The following CAPN14 variants were observed in gnomAD, a reference collection of about 807,000 sequenced individuals.
CAPN14 encodes calpain 14.
Under a neutral mutation model 101.3 loss-of-function variants are expected in CAPN14, and 94 were observed. The ratio of observed to expected loss-of-function variants is 0.93; its 90% CI spans 0.79 to 1.10. The LOEUF (loss-of-function observed/expected upper bound fraction) is 1.10. CAPN14 is among the 50% of genes least tolerant of loss of function. The pLI, the probability that CAPN14 is intolerant of heterozygous loss-of-function variation, is 0.00. For synonymous variants in CAPN14, 338 were observed against 317.9 expected, an observed-to-expected ratio of 1.06 and a Z score of -0.67; for missense variants, 837 against 828.4, an observed-to-expected ratio of 1.01 and a Z score of -0.13.
At chr2:31,197,791 G>C (rs1681544146) in intron 7 of CAPN14, among the ~76,000 whole-genome samples, 1 of 152,176 alleles carries the variant, frequency 6.6e-6, no homozygotes, top group African/African-American at 2.4e-5. Context: ...TGAAGATGGA[G>C]GCAGAGAATG....
intron 1 of CAPN14, among the ~76,000 whole-genome samples, chr2:31,229,604 A>C (rs932954945): frequency 6.7e-6 from 1 of 149,710 alleles, no homozygotes; most frequent in Non-Finnish European, 1.5e-5. Context: ...TCTTGAACCC[A>C]GGAAGTAGAG....
At chr2:31,177,914 C>T (rs1680391951) in intron 18 of CAPN14, 93 bp from the exon 19 acceptor site, 3 of 867,164 alleles carry the variant, frequency 3.5e-6, no homozygotes, top group Non-Finnish European at 3.8e-6. Flanking sequence ...CGCAGAGGGG[C>T]TGTTGAAGAT....
At chr2:31,195,538 T>C (rs891568035) in intron 8 of CAPN14, among the ~76,000 whole-genome samples, 2 of 152,146 alleles carry the variant, frequency 1.3e-5, no homozygotes, top group South Asian at 2.1e-4. Flanking sequence ...GGTTTTACCA[T>C]GTTGGCCGGG....
At position 31,201,960 on chromosome 2, in the gene CAPN14, A is replaced by G; in HGVS notation, c.453T>C (p.Asp151=). 2 of 1,551,770 alleles carry G rather than the reference A, an allele frequency of 1.3e-6. No individual in the cohort carries two copies. The highest frequency in any genetic ancestry group is 1.7e-6 in the Non-Finnish European group (2 of 1,147,014). The change falls in exon 5 of 22, where the codon GAT becomes GAC. Residue 151 remains aspartate, a synonymous_variant. Transcript: ENST00000403897. ...HYGNWVPVVI[D]DRLPVNEAGQ... ...CAGCCTCATTCACAGGCAGACGGTCATCGATCACCACAGGAACCCAGTTCC... is the reference window on the plus strand; with the variant it reads ...CAGCCTCATTCACAGGCAGACGGTCGTCGATCACCACAGGAACCCAGTTCC...
intron 1 of CAPN14, among the ~76,000 whole-genome samples, chr2:31,227,431 C>T (rs546605622): frequency 2.0e-5 from 3 of 152,224 alleles, no homozygotes; most frequent in Non-Finnish European, 4.4e-5. Context: ...GGCTTATAAA[C>T]TTCCTAAGCA....
rs1025751011 is a variant in CAPN14 at position 31,205,224 on chromosome 2, G to A, written c.224C>T (p.Pro75Leu). 27 of 1,549,228 alleles carry A rather than the reference G, an allele frequency of 1.7e-5. No homozygotes were observed. Among genetic ancestry groups the A allele is most frequent in the African/African-American group, 4.1e-5 (3 of 73,050 alleles). ...CTGGGCTGACACATTTTGCCTCACC[G>A]GGGGCCTCTTCCACTGCAGGCGGGG... ...LPPRLQWKRP[P>L]ELHSNPQFYF... The change falls in exon 2 of 22, where the codon CCG becomes CTG. Residue 75 changes from proline to leucine, a missense_variant and splice_region_variant. Physicochemically the swap from Pro to Leu is moderately conservative, Grantham distance 98. Transcript: ENST00000403897.
At position 31,173,160 on chromosome 2, in the gene CAPN14, G is replaced by A. The variant is rs770738480; in HGVS notation, c.*1521C>T. On this transcript the variant is annotated 3_prime_UTR_variant, in exon 22 of 22. Coordinates refer to ENST00000403897, the MANE Select transcript of CAPN14 (RefSeq NM_001145122.2). The stretch of plus-strand genomic sequence containing the variant: ...CAATGGATATAAAAAACTGTAAAAG[G>A]CTGTAAATACATGATCATCATTTAT... 1 of 152,166 alleles carries A rather than the reference G, an allele frequency of 6.6e-6. No individual in the cohort carries two copies. The highest frequency in any genetic ancestry group is 6.5e-5 in the Admixed American group (1 of 15,278). The allele number at this position is 152,166 out of a possible 1,614,324, so 9.4% of individuals were successfully genotyped here.
At chr2:31,197,607 C>T (rs945872643) in intron 7 of CAPN14, among the ~76,000 whole-genome samples, 1 of 152,194 alleles carries the variant, frequency 6.6e-6, no homozygotes, top group Non-Finnish European at 1.5e-5. Context: ...TCTTCCCTCC[C>T]CAAAGAGGAT....
At chr2:31,178,423 G>T (rs972652817) in intron 18 of CAPN14, 88 bp downstream of exon 18, 2 of 976,332 alleles carry the variant, frequency 2.0e-6, no homozygotes, top group South Asian at 1.4e-5. Context: ...ATAAAGGGCT[G>T]AAGGGGACAG....
chr2:31,213,527 G>C (rs1194400183), intron 1 of CAPN14, among the ~76,000 whole-genome samples: 1 of 152,232 alleles, frequency 6.6e-6, no homozygotes, highest in Non-Finnish European at 1.5e-5. Flanking sequence ...CTAAAGCACT[G>C]TTTAACCAGG....
rs1489340383 is a variant in CAPN14 at position 31,186,490 on chromosome 2, A to G, written c.1588-5T>C. The G allele has an allele frequency of 6.5e-7, 1 of 1,546,024 alleles. No individual in the cohort carries two copies. The highest frequency in any genetic ancestry group is 8.7e-7 in the Non-Finnish European group (1 of 1,144,670). ...AACTGCATTAATCTCTGGATGCTAAATAGAAAGCAGATTGGCAAGAAAAAA... is the reference window on the plus strand; with the variant it reads ...AACTGCATTAATCTCTGGATGCTAAGTAGAAAGCAGATTGGCAAGAAAAAA... On this transcript the variant is annotated splice_region_variant and splice_polypyrimidine_tract_variant and intron_variant, in intron 15 of 21. Transcript: ENST00000403897.
chr2:31,173,901 T>C lies in CAPN14; in HGVS notation c.*780A>G, dbSNP rs1321586294. 2.0e-5 allele frequency: 3 copies of C among 152,194 alleles called. No individual in the cohort carries two copies. The highest frequency in any genetic ancestry group is 2.9e-5 in the Non-Finnish European group (2 of 68,042). The allele number at this position is 152,194 out of a possible 1,614,324, so 9.4% of individuals were successfully genotyped here. ...ATAATTTAGCATGGGTTTGTTTTTGTCCTTTGAAGTAGATAGACAGAGAAT... is the reference window on the plus strand; with the variant it reads ...ATAATTTAGCATGGGTTTGTTTTTGCCCTTTGAAGTAGATAGACAGAGAAT... On this transcript the variant is annotated 3_prime_UTR_variant, in exon 22 of 22. Coordinates refer to ENST00000403897, the MANE Select transcript of CAPN14 (RefSeq NM_001145122.2).
intron 10 of CAPN14, among the ~76,000 whole-genome samples, chr2:31,192,640 G>A (rs1465561752): frequency 6.6e-6 from 1 of 152,074 alleles, no homozygotes; most frequent in Non-Finnish European, 1.5e-5. Context: ...TCCCATCTTG[G>A]GAGTCCAGAC....
rs1680189958 is a variant in CAPN14 at position 31,174,268 on chromosome 2, C to T, written c.*413G>A. 3.9e-6 allele frequency: 1 copy of T among 257,058 alleles called. No individual in the cohort carries two copies. The highest frequency in any genetic ancestry group is 7.4e-6 in the Non-Finnish European group (1 of 134,316). The allele number at this position is 257,058 out of a possible 1,614,324, so 15.9% of individuals were successfully genotyped here. On this transcript the variant is annotated 3_prime_UTR_variant, in exon 22 of 22. Coordinates refer to ENST00000403897, the MANE Select transcript of CAPN14 (RefSeq NM_001145122.2). ...AAGGATATATCATTCCCATTTCAGA[C>T]CTTAAAACCTAGATGATTACCCCAC...
chr2:31,181,054 C>T (rs73921565), intron 16 of CAPN14, 54 bp from the exon 17 acceptor site: 5 of 1,439,028 alleles, frequency 3.5e-6, no homozygotes, highest in Non-Finnish European at 3.8e-6. Flanking sequence ...CTGCACACCC[C>T]TTTTCTGAGC....
chr2:31,191,360 AC>A, intron 12 of CAPN14, 38 bp downstream of exon 12: 1 of 1,538,968 alleles, frequency 6.5e-7, no homozygotes, highest in Non-Finnish European at 8.7e-7. Context: ...ATGTGATGTC[AC>A]CCCAAACTAG....
chr2:31,198,229 A>T (rs1012161891), intron 7 of CAPN14, among the ~76,000 whole-genome samples: 1 of 152,186 alleles, frequency 6.6e-6, no homozygotes, highest in African/African-American at 2.4e-5. Context: ...TTTGTCTCTT[A>T]TCTACCTGTG....
chr2:31,191,345 G>A (rs1681165658), intron 12 of CAPN14, 54 bp downstream of exon 12: 5 of 1,517,780 alleles, frequency 3.3e-6, no homozygotes, highest in Non-Finnish European at 4.4e-6. Context: ...TGGAGGCTTG[G>A]CCACATGTGA....
At chr2:31,195,712 A>C (rs1188487180) in intron 8 of CAPN14, among the ~76,000 whole-genome samples, 1 of 152,246 alleles carries the variant, frequency 6.6e-6, no homozygotes, top group East Asian at 1.9e-4. Flanking sequence ...GAATCAAATT[A>C]TCCCTGAAAT....
Sources: allele counts gnomAD v4.1 joint callset (sites outside exome capture counted in the v4.1 genomes callset), GRCh38; gene constraint gnomAD v4.1.1; transcripts MANE v1.5; gene names NCBI Gene and HGNC (gene_info 2026-07-23, HGNC 2026-07-21).